The following SLC44A5 variants were observed in gnomAD, a reference collection of about 807,000 sequenced individuals.
SLC44A5 encodes solute carrier family 44 member 5, also known as choline transporter-like protein 5.
Under a neutral mutation model 101.8 loss-of-function variants are expected in SLC44A5, and 57 were observed. That is an observed-to-expected ratio of 0.56 (90% CI 0.45 to 0.70). SLC44A5 has a LOEUF of 0.70. Among genes scored for constraint, SLC44A5 ranks in the 30% least tolerant of loss-of-function variants. SLC44A5 has a pLI of 0.00. For missense variants in SLC44A5, 737 were observed against 853.1 expected (o/e 0.86, Z 1.70); for synonymous variants, 281 against 290.9 (o/e 0.97, Z 0.35).
intron 4 of SLC44A5, among the ~76,000 whole-genome samples, chr1:75,323,458 G>C (rs1656337702): frequency 6.6e-6 from 1 of 152,112 alleles, no homozygotes; most frequent in African/African-American, 2.4e-5. Context: ...TATATACCCA[G>C]TAATGGGATG....
At chr1:75,715,777 A>T in the SLC44A5 span, among the ~76,000 whole-genome samples, 2 of 152,238 alleles carry the variant, frequency 1.3e-5, no homozygotes, top group African/African-American at 4.8e-5. Flanking sequence ...AATTGCAACA[A>T]AAATGAAAAT....
intron 16 of SLC44A5, 144 bp from the exon 17 acceptor site, chr1:75,218,896 A>G (rs1183039720): frequency 4.1e-6 from 3 of 729,344 alleles, no homozygotes; most frequent in African/African-American, 3.6e-5. Context: ...TTTCTGTTAT[A>G]TCACTTTATA....
chr1:75,288,699 T>C (rs1218210474), intron 5 of SLC44A5, among the ~76,000 whole-genome samples: 1 of 152,196 alleles, frequency 6.6e-6, no homozygotes, highest in African/African-American at 2.4e-5. Flanking sequence ...TTGTTGTCTC[T>C]ATGCTAGAAC....
intron 3 of SLC44A5, among the ~76,000 whole-genome samples, chr1:75,352,130 A>C (rs1658723177): frequency 6.6e-6 from 1 of 152,114 alleles, no homozygotes; most frequent in South Asian, 2.1e-4. Context: ...GGAAGGAAAA[A>C]ACAAAGATAA....
chr1:75,679,632 C>A, the SLC44A5 span, among the ~76,000 whole-genome samples: 4 of 151,970 alleles, frequency 2.6e-5, no homozygotes, highest in Non-Finnish European at 5.9e-5. Flanking sequence ...TGGAAAGGAA[C>A]AACTGGTACC....
intron 20 of SLC44A5, 71 bp from the exon 21 acceptor site, chr1:75,214,060 T>C: frequency 1.0e-6 from 1 of 958,070 alleles, no homozygotes; most frequent in Non-Finnish European, 1.6e-6. Flanking sequence ...TTTATGGCAG[T>C]AAATTTTCAT....
intron 3 of SLC44A5, 70 bp downstream of exon 3, chr1:75,396,513 A>G (rs1238781230): frequency 6.5e-6 from 8 of 1,232,732 alleles, no homozygotes; most frequent in Non-Finnish European, 9.3e-6. Context: ...TTTTAAAAGA[A>G]TCACATATTT....
intron 16 of SLC44A5, 86 bp downstream of exon 16, chr1:75,219,171 C>T (rs748849907): frequency 2.1e-5 from 20 of 959,752 alleles, no homozygotes; most frequent in Non-Finnish European, 2.7e-5. Flanking sequence ...ATCTCTGCTT[C>T]GGGACAATTC....
intron 1 of SLC44A5, among the ~76,000 whole-genome samples, chr1:75,552,964 A>G (rs894820): frequency 0.15 from 23,257 of 152,054 alleles, 2,032 homozygotes; most frequent in Admixed American, 0.23. Context: ...ATTTTAATCT[A>G]TCGTTCCTGA....
At chr1:75,572,035 A>C (rs1673102519) in intron 1 of SLC44A5, among the ~76,000 whole-genome samples, 1 of 152,268 alleles carries the variant, frequency 6.6e-6, no homozygotes, top group African/African-American at 2.4e-5. Context: ...ATATATGTCC[A>C]GCCAAATGAC....
chr1:75,404,602 T>G (rs987777246), intron 2 of SLC44A5, among the ~76,000 whole-genome samples: 4 of 152,136 alleles, frequency 2.6e-5, no homozygotes, highest in Non-Finnish European at 5.9e-5. Flanking sequence ...AAACTTAGCT[T>G]CATAAGAAAA....
At chr1:75,324,853 ATC>A (rs1656454067) in intron 4 of SLC44A5, among the ~76,000 whole-genome samples, 1 of 152,230 alleles carries the variant, frequency 6.6e-6, no homozygotes, top group Non-Finnish European at 1.5e-5. Context: ...GAAGATAAAT[ATC>A]GCAAGTCAAA....
In SLC44A5 at chr1:75,251,228, T is replaced by C. The variant is rs769988573; in HGVS notation, c.327A>G (p.Leu109=). 2 of 1,613,234 alleles carry C rather than the reference T, an allele frequency of 1.2e-6. No homozygotes were observed. The highest frequency in any genetic ancestry group is 1.7e-6 in the Non-Finnish European group (2 of 1,179,304). ...GCCTTACCTGTGTGGTAGGGCACTG[T>C]AGGTTTAGCAACACGGAGGGACTGG... ...RCTSPSVLLN[L]QCPTTQICVS... is the part of the protein sequence containing the mutation. Residue 109 remains leucine (L), a synonymous_variant, in exon 7 of 24, where the codon CTA becomes CTG. Coordinates refer to ENST00000370859, the MANE Select transcript of SLC44A5 (RefSeq NM_001130058.2).
At chr1:75,604,840 A>T (rs1356880844) in intron 1 of SLC44A5, among the ~76,000 whole-genome samples, 2 of 151,960 alleles carry the variant, frequency 1.3e-5, no homozygotes, top group East Asian at 3.9e-4. Context: ...GTGTAAAGAT[A>T]TGGTACTGAT....
Position 75,429,943 on chromosome 1 carries a change from C to T in SLC44A5, c.14-33322G>A, listed in dbSNP as rs115823443. On this transcript the variant is annotated intron_variant, in intron 2 of 23. Transcript: ENST00000370859. ...TCTATTGTGCTGGGAGCTAAGGATA[C>T]AAATTCCAAAATAGATAAAATCATG... is the stretch of plus-strand genomic sequence containing the variant. 7.8e-3 allele frequency among the ~76,000 whole-genome samples: 1,194 copies of T among 152,224 alleles called. 25 individuals are homozygous for T. Among genetic ancestry groups the T allele is most frequent in the African/African-American group, 0.027 (1,121 of 41,528 alleles).
intron 1 of SLC44A5, among the ~76,000 whole-genome samples, chr1:75,558,397 A>G (rs1306479783): frequency 6.6e-6 from 1 of 152,154 alleles, no homozygotes; most frequent in African/African-American, 2.4e-5. Flanking sequence ...ACTGCAGCCT[A>G]GAAACTAGCA....
chr1:75,495,830 G>T (rs2799053), intron 2 of SLC44A5, among the ~76,000 whole-genome samples: 152,267 of 152,292 alleles, frequency 1, 76,121 homozygotes, highest in Non-Finnish European at 1. Flanking sequence ...GGGTATATAG[G>T]ATGTGTATAT....
At chr1:75,663,816 G>A in the SLC44A5 span, among the ~76,000 whole-genome samples, 1 of 152,094 alleles carries the variant, frequency 6.6e-6, no homozygotes, top group Non-Finnish European at 1.5e-5. Flanking sequence ...TATGAAGCCA[G>A]TACCACCTTG....
At chr1:75,275,232 C>T (rs1011991453) in intron 5 of SLC44A5, among the ~76,000 whole-genome samples, 190 bp from the exon 6 acceptor site, 1 of 152,082 alleles carries the variant, frequency 6.6e-6, no homozygotes, top group African/African-American at 2.4e-5. Context: ...AGTCAGAAAG[C>T]ACATTTCTCT....
Sources: gnomAD v4.1 joint callset for allele counts (sites outside exome capture counted in the v4.1 genomes callset) on GRCh38, gnomAD v4.1.1 for gene constraint, MANE v1.5 for transcripts, NCBI Gene and HGNC (gene_info 2026-07-23, HGNC 2026-07-21) for gene names.